The following FOXP1 variants were observed in gnomAD, a reference collection of about 807,000 sequenced individuals.
FOXP1 encodes forkhead box P1, also known as forkhead box protein P1.
Under a neutral mutation model 98.2 loss-of-function variants are expected in FOXP1, and 15 were observed. That is an observed-to-expected ratio of 0.15 (90% CI 0.10 to 0.24). The LOEUF is 0.24. Ranked by LOEUF, FOXP1 falls within the 10% of genes least tolerant of loss-of-function variation. The probability of loss-of-function intolerance (pLI) is 1.00; values close to 1 mark genes in which losing one functional copy is unlikely to be tolerated. For synonymous variants in FOXP1, 371 were observed against 314.5 expected (o/e 1.18, Z -1.90); for missense variants, 633 against 848.5 (o/e 0.75, Z 3.15).
chr3:71,082,732 A>G (rs747449797), intron 7 of FOXP1, among the ~76,000 whole-genome samples: 1 of 152,124 alleles, frequency 6.6e-6, no homozygotes, highest in Non-Finnish European at 1.5e-5. Context: ...AATATTCTAG[A>G]GCAACTTTTT....
intron 5 of FOXP1, among the ~76,000 whole-genome samples, chr3:71,253,733 T>C (rs1002701447): frequency 1.3e-5 from 2 of 152,146 alleles, no homozygotes; most frequent in South Asian, 2.1e-4. Context: ...TTATGGTAGA[T>C]ACAAAGACAA....
At chr3:71,375,751 C>G (rs2079666074) in intron 3 of FOXP1, among the ~76,000 whole-genome samples, 1 of 152,150 alleles carries the variant, frequency 6.6e-6, no homozygotes, top group Non-Finnish European at 1.5e-5. Context: ...AATCACTGTT[C>G]TAGTTGTTGA....
chr3:70,978,124 C>T (rs1378165988), intron 14 of FOXP1, 95 bp from the exon 15 acceptor site: 1 of 981,628 alleles, frequency 1.0e-6, no homozygotes, highest in Admixed American at 1.8e-5. Flanking sequence ...GATGCGTGGG[C>T]ACCGTTTCTT....
At chr3:71,301,538 CT>C in intron 4 of FOXP1, among the ~76,000 whole-genome samples, 1 of 152,274 alleles carries the variant, frequency 6.6e-6, no homozygotes, top group African/African-American at 2.4e-5. Flanking sequence ...TTCCTCTCTC[CT>C]TTTTACTTGA....
At chr3:71,193,370 A>G (rs1280550754) in intron 6 of FOXP1, among the ~76,000 whole-genome samples, 2 of 127,496 alleles carry the variant, frequency 1.6e-5, no homozygotes, top group Non-Finnish European at 3.2e-5. Flanking sequence ...GGATGGTCTC[A>G]ATCTCCTGAC....
chr3:70,970,583 T>C (rs2036000479), intron 19 of FOXP1, 153 bp downstream of exon 19: 1 of 730,576 alleles, frequency 1.4e-6, no homozygotes, highest in African/African-American at 1.8e-5. Context: ...CCCGATGTGT[T>C]TGCCTCCAGG....
At chr3:71,248,314 GTGTTTCCTA>G (rs201449075) in intron 5 of FOXP1, among the ~76,000 whole-genome samples, 2,745 of 152,186 alleles carry the variant, frequency 0.018, 44 homozygotes, top group Middle Eastern at 0.031. Flanking sequence ...GTAGGATCTC[GTGTTTCCTA>G]TGTAATTAAC....
intron 7 of FOXP1, among the ~76,000 whole-genome samples, chr3:71,089,778 A>G (rs1334449312): frequency 6.6e-6 from 1 of 152,238 alleles, no homozygotes; most frequent in African/African-American, 2.4e-5. Context: ...CCTGGGCTCT[A>G]GCTGGGCCAC....
chr3:71,470,744 AAAAAGAAAAG>A (rs891890421), intron 3 of FOXP1, among the ~76,000 whole-genome samples: 17 of 152,330 alleles, frequency 1.1e-4, no homozygotes, highest in Admixed American at 9.8e-4. Flanking sequence ...GTCTCCAGAA[AAAAAGAAAAG>A]AAAAGAAAAG....
intron 3 of FOXP1, among the ~76,000 whole-genome samples, chr3:71,467,305 C>T (rs907582226): frequency 9.2e-5 from 14 of 152,120 alleles, no homozygotes; most frequent in Non-Finnish European, 1.0e-4. Flanking sequence ...GCTTCATTCA[C>T]CACACAGTAC....
At chr3:71,281,943 A>AT (rs2071615726) in intron 5 of FOXP1, among the ~76,000 whole-genome samples, 1 of 26,552 alleles carries the variant, frequency 3.8e-5, no homozygotes. Context: ...CTAAAAATAC[A>AT]AAAAAAAAAA....
At chr3:71,133,311 T>C (rs1394452023) in intron 6 of FOXP1, among the ~76,000 whole-genome samples, 3 of 152,224 alleles carry the variant, frequency 2.0e-5, no homozygotes, top group Non-Finnish European at 4.4e-5. Context: ...ACTTTTGATA[T>C]GTCATTTAAA....
intron 4 of FOXP1, among the ~76,000 whole-genome samples, chr3:71,318,330 T>C (rs1426923307): frequency 1.3e-5 from 2 of 152,182 alleles, no homozygotes; most frequent in African/African-American, 2.4e-5. Flanking sequence ...AAGAGGCTCC[T>C]ATCTCTGCAA....
At chr3:71,542,763 T>G (rs183913809) in intron 2 of FOXP1, among the ~76,000 whole-genome samples, 1 of 152,268 alleles carries the variant, frequency 6.6e-6, no homozygotes, top group East Asian at 1.9e-4. Flanking sequence ...AGACACATAC[T>G]CACACTCCTC....
At chr3:71,342,701 C>A (rs1184138845) in intron 4 of FOXP1, among the ~76,000 whole-genome samples, 5 of 134,016 alleles carry the variant, frequency 3.7e-5, no homozygotes, top group Non-Finnish European at 6.6e-5. Context: ...AAAAAAAAAG[C>A]AAACAGACCT....
At chr3:71,581,276 C>T (rs2048144680) in intron 2 of FOXP1, 3 of 985,132 alleles carry the variant, frequency 3.0e-6, no homozygotes, top group African/African-American at 3.5e-5. Context: ...GCGAGGATGT[C>T]ACCATATTTT....
intron 3 of FOXP1, among the ~76,000 whole-genome samples, chr3:71,417,577 C>T (rs2083309801): frequency 6.7e-6 from 1 of 149,034 alleles, no homozygotes; most frequent in African/African-American, 2.5e-5. Flanking sequence ...TTTTTTTTCA[C>T]ATCTGAGACA....
chr3:71,082,380 G>C (rs2054531258), intron 7 of FOXP1, among the ~76,000 whole-genome samples: 1 of 147,708 alleles, frequency 6.8e-6, no homozygotes, highest in Non-Finnish European at 1.5e-5. Context: ...TAAATTATAA[G>C]TTTGTAAACA....
intron 4 of FOXP1, among the ~76,000 whole-genome samples, chr3:71,340,480 G>T (rs1334627840): frequency 6.6e-6 from 1 of 152,200 alleles, no homozygotes; most frequent in African/African-American, 2.4e-5. Context: ...CCTCCACACA[G>T]AAAGGGCTGT....
Sources: allele counts gnomAD v4.1 joint callset (sites outside exome capture counted in the v4.1 genomes callset), GRCh38; gene constraint gnomAD v4.1.1; transcripts MANE v1.5; gene names NCBI Gene and HGNC (gene_info 2026-07-23, HGNC 2026-07-21).